Variants in NMNAT3 observed in about 807,000 individuals in gnomAD.
NMNAT3 encodes nicotinamide/nicotinic acid mononucleotide adenylyltransferase 3.
NMNAT3 carries 21 observed loss-of-function variants against 24.8 expected under a neutral mutation model. The observed-to-expected ratio is 0.85, with a 90% CI of 0.60 to 1.22. NMNAT3 has a LOEUF of 1.22. Among genes scored for constraint, NMNAT3 ranks in the 50% most tolerant of loss-of-function variants. NMNAT3 has a pLI of 0.00. For synonymous variants in NMNAT3, 136 were observed against 155.2 expected (o/e 0.88, Z 0.92); for missense variants, 387 against 436.6 (o/e 0.89, Z 1.01).
chr3:139,660,779 G>A (rs771851576), intron 1 of NMNAT3, among the ~76,000 whole-genome samples: 12 of 152,112 alleles, frequency 7.9e-5, no homozygotes, highest in Non-Finnish European at 1.6e-4. Context: ...CCTTTTCACC[G>A]GCTGGCTATT....
chr3:139,588,667 G>C (rs1412227111), intron 3 of NMNAT3, among the ~76,000 whole-genome samples: 1 of 152,128 alleles, frequency 6.6e-6, no homozygotes, highest in Non-Finnish European at 1.5e-5. Flanking sequence ...AGGGCCAGTT[G>C]AGAGTTTGTA....
intron 3 of NMNAT3, among the ~76,000 whole-genome samples, chr3:139,623,386 T>G (rs1450160346): frequency 6.6e-6 from 1 of 152,212 alleles, no homozygotes; most frequent in African/African-American, 2.4e-5. Flanking sequence ...TAACAATGCC[T>G]TCTTCTGGAA....
At chr3:139,634,634 T>C (rs921375977) in intron 2 of NMNAT3, 8 of 152,340 alleles carry the variant, frequency 5.3e-5, no homozygotes, top group African/African-American at 1.9e-4. Context: ...GTAAGGATCC[T>C]CTGCCAGCCA....
chr3:139,611,541 T>C (rs1294235677), intron 3 of NMNAT3, among the ~76,000 whole-genome samples: 1 of 152,228 alleles, frequency 6.6e-6, no homozygotes, highest in Non-Finnish European at 1.5e-5. Context: ...TGTGACACCA[T>C]GGTCACAAGG....
chr3:139,587,643 G>A (rs1427209511), intron 3 of NMNAT3, among the ~76,000 whole-genome samples: 1 of 152,202 alleles, frequency 6.6e-6, no homozygotes, highest in African/African-American at 2.4e-5. Flanking sequence ...GGAATCCCTT[G>A]AAGTGACATA....
intron 2 of NMNAT3, among the ~76,000 whole-genome samples, chr3:139,633,734 G>T (rs1418446557): frequency 2.0e-5 from 3 of 152,114 alleles, no homozygotes; most frequent in African/African-American, 7.2e-5. Flanking sequence ...TGTCAGTATG[G>T]CTCACGTGTA....
At chr3:139,599,374 T>C (rs987406429) in intron 3 of NMNAT3, 1 of 702,508 alleles carries the variant, frequency 1.4e-6, no homozygotes, top group Non-Finnish European at 2.6e-6. Flanking sequence ...GTCTGGCCCC[T>C]ACCACCTCAT....
intron 3 of NMNAT3, among the ~76,000 whole-genome samples, chr3:139,612,186 C>G (rs1382362806): frequency 7.0e-6 from 1 of 143,802 alleles, no homozygotes; most frequent in Non-Finnish European, 1.5e-5. Flanking sequence ...AAAAAAAATG[C>G]ATAGAGGATA....
At chr3:139,571,655 C>T (rs1393518169) in intron 6 of NMNAT3, among the ~76,000 whole-genome samples, 2 of 152,046 alleles carry the variant, frequency 1.3e-5, no homozygotes, top group Admixed American at 1.3e-4. Context: ...TGGAAAGAAC[C>T]TGGAGTGGGC....
intron 1 of NMNAT3, among the ~76,000 whole-genome samples, chr3:139,671,776 A>C (rs2057764869): frequency 2.0e-5 from 3 of 152,220 alleles, no homozygotes; most frequent in Admixed American, 2.0e-4. Flanking sequence ...TAAAATGAAG[A>C]TTTGAAAGTG....
intron 3 of NMNAT3, among the ~76,000 whole-genome samples, chr3:139,602,531 G>A (rs1194549753): frequency 6.6e-6 from 1 of 152,206 alleles, no homozygotes; most frequent in African/African-American, 2.4e-5. Flanking sequence ...GCAAATTCCA[G>A]ATTGTAACCA....
chr3:139,612,120 CTG>C (rs200308099), intron 3 of NMNAT3, among the ~76,000 whole-genome samples: 3,323 of 149,536 alleles, frequency 0.022, 89 homozygotes, highest in African/African-American at 0.067. Flanking sequence ...TGAGCCGAGA[CTG>C]TGCCATTGCA....
chr3:139,582,215 GA>G (rs1376284546), intron 4 of NMNAT3, among the ~76,000 whole-genome samples: 5 of 115,968 alleles, frequency 4.3e-5, no homozygotes, highest in East Asian at 2.6e-4. Flanking sequence ...AAAAAAAAAA[GA>G]AAAAAAAACC....
intron 1 of NMNAT3, among the ~76,000 whole-genome samples, chr3:139,667,398 T>C (rs2057617111): frequency 6.6e-6 from 1 of 152,232 alleles, no homozygotes; most frequent in Admixed American, 6.5e-5. Context: ...GCCATTTGCA[T>C]GTCTTGTTTT....
chr3:139,586,584 G>GA (rs2053949247), intron 3 of NMNAT3, among the ~76,000 whole-genome samples: 1 of 152,140 alleles, frequency 6.6e-6, no homozygotes, highest in South Asian at 2.1e-4. Flanking sequence ...CTGAGAGCAA[G>GA]GAGGTCATAT....
chr3:139,574,624 T>A (rs576902391), intron 5 of NMNAT3, among the ~76,000 whole-genome samples: 5 of 152,226 alleles, frequency 3.3e-5, no homozygotes, highest in Admixed American at 3.3e-4. Flanking sequence ...TAGTGCCTGG[T>A]GGGAAAAGCA....
chr3:139,581,702 C>T (rs1044238932), intron 4 of NMNAT3, among the ~76,000 whole-genome samples: 2 of 151,852 alleles, frequency 1.3e-5, no homozygotes, highest in Non-Finnish European at 2.9e-5. Context: ...GGTTGGAGAG[C>T]GTGGAAGTGT....
chr3:139,596,964 A>ATATATTTTTT (rs1405063694), intron 3 of NMNAT3, among the ~76,000 whole-genome samples: 2 of 108,540 alleles, frequency 1.8e-5, no homozygotes, highest in South Asian at 2.7e-4. Flanking sequence ...ATATATATAT[A>ATATATTTTTT]TTTTTATTAC....
chr3:139,620,063 A>G lies in NMNAT3; in HGVS notation c.109+7553T>C, dbSNP rs550084690. Among the ~76,000 whole-genome samples the G allele has an allele frequency of 7.1e-4, 108 of 152,306 alleles. 1 individual carries two copies. The highest frequency in any genetic ancestry group is 3.4e-3 in the Middle Eastern group (1 of 294). On this transcript the variant is annotated intron_variant, in intron 3 of 6. Transcript: ENST00000643695. ...ATCAGGATTCAGATAAGGTCCATATATGGTATTTAGTTTATACGTCTTCTA... is the reference window on the plus strand; with the variant it reads ...ATCAGGATTCAGATAAGGTCCATATGTGGTATTTAGTTTATACGTCTTCTA...
Sources: allele counts gnomAD v4.1 joint callset (sites outside exome capture counted in the v4.1 genomes callset), GRCh38; gene constraint gnomAD v4.1.1; transcripts MANE v1.5; gene names NCBI Gene and HGNC (gene_info 2026-07-23, HGNC 2026-07-21).